ITSN1: variants seen among roughly 807,000 people sequenced by gnomAD.
ITSN1 encodes the protein intersectin 1.
ITSN1 carries 58 observed loss-of-function variants against 239.8 expected under a neutral mutation model. That is an observed-to-expected ratio of 0.24 (90% confidence interval 0.20 to 0.30). The LOEUF is 0.30. Among genes scored for constraint, ITSN1 ranks in the 10% least tolerant of loss-of-function variants. ITSN1 has a pLI of 1.00. For synonymous variants in ITSN1, 780 were observed against 770.8 expected (o/e 1.01, Z -0.20); for missense variants, 1,558 against 2,103.3 (o/e 0.74, Z 5.07).
intron 29 of ITSN1, among the ~76,000 whole-genome samples, chr21:33,846,281 G>A (rs940497712): frequency 4.6e-5 from 7 of 151,984 alleles, no homozygotes; most frequent in African/African-American, 1.2e-4. Flanking sequence ...CACCTCTCCC[G>A]ATTTCGCTGC....
intron 1 of ITSN1, among the ~76,000 whole-genome samples, chr21:33,686,396 G>T (rs1330808653): frequency 6.6e-6 from 1 of 151,990 alleles, no homozygotes; most frequent in African/African-American, 2.4e-5. Context: ...TCTGATAAAT[G>T]TTTTGAAATT....
At chr21:33,759,391 C>T (rs2068136749) in intron 8 of ITSN1, among the ~76,000 whole-genome samples, 1 of 152,142 alleles carries the variant, frequency 6.6e-6, no homozygotes, top group Admixed American at 6.5e-5. Context: ...TCCAAGTCCC[C>T]TGATATCCAG....
At chr21:33,758,021 C>T (rs986345706) in intron 8 of ITSN1, among the ~76,000 whole-genome samples, 4 of 152,034 alleles carry the variant, frequency 2.6e-5, no homozygotes, top group East Asian at 1.9e-4. Context: ...GGACTACAGG[C>T]GTGCATGCAC....
chr21:33,759,040 T>A (rs1242329293), intron 8 of ITSN1, among the ~76,000 whole-genome samples: 4 of 152,216 alleles, frequency 2.6e-5, no homozygotes, highest in African/African-American at 9.6e-5. Context: ...TTACAAGAGA[T>A]AATTGTGATC....
chr21:33,801,654 G>T (rs1457152162), intron 19 of ITSN1, among the ~76,000 whole-genome samples: 1 of 152,032 alleles, frequency 6.6e-6, no homozygotes, highest in Non-Finnish European at 1.5e-5. Flanking sequence ...TGTAGAGACA[G>T]AGTCTCCCTA....
At chr21:33,771,743 A>G (rs1901717424) in intron 11 of ITSN1, among the ~76,000 whole-genome samples, 1 of 152,130 alleles carries the variant, frequency 6.6e-6, no homozygotes, top group African/African-American at 2.4e-5. Flanking sequence ...TCCAGAAGAG[A>G]GGGGGTTAAT....
At chr21:33,830,023 A>T (rs1036527802) in intron 27 of ITSN1, among the ~76,000 whole-genome samples, 2 of 152,180 alleles carry the variant, frequency 1.3e-5, no homozygotes, top group African/African-American at 4.8e-5. Flanking sequence ...ATGACGAGGG[A>T]TGCCTGCATA....
chr21:33,829,865 G>T, intron 27 of ITSN1, 120 bp downstream of exon 27: 2 of 1,217,110 alleles, frequency 1.6e-6, no homozygotes, highest in East Asian at 2.5e-5. Flanking sequence ...TTCTGTATTT[G>T]GATAGTGAGA....
Position 33,802,386 on chromosome 21 carries a change from CAT to C in ITSN1, c.2305-39_2305-38del, listed in dbSNP as rs538064061. 1.0e-3 allele frequency: 1,622 copies of C among 1,595,318 alleles called. 4 individuals are homozygous for C. The highest frequency in any genetic ancestry group is 8.2e-4 in the African/African-American group (61 of 74,668). On this transcript the variant is annotated intron_variant, in intron 19 of 39. Coordinates refer to ENST00000381318, the MANE Select transcript of ITSN1 (RefSeq NM_003024.3). Reference sequence around the variant, plus strand: ...TGTAAGAATAAAGCATGTCATTAAACATATATTTTGCCTTGCTTTCAAACCTT... The same window carrying C: ...TGTAAGAATAAAGCATGTCATTAAACATATTTTGCCTTGCTTTCAAACCTT...
intron 29 of ITSN1, chr21:33,837,974 T>C (rs935258645): frequency 1.0e-6 from 1 of 985,846 alleles, no homozygotes; most frequent in Non-Finnish European, 1.2e-6. Flanking sequence ...TGACCTATTT[T>C]GAACAAGTAA....
intron 4 of ITSN1, among the ~76,000 whole-genome samples, chr21:33,734,690 A>G (rs1482606983): frequency 6.6e-6 from 1 of 152,168 alleles, no homozygotes; most frequent in Non-Finnish European, 1.5e-5. Context: ...TAAAGTATCT[A>G]ATTCATTGGT....
intron 1 of ITSN1, among the ~76,000 whole-genome samples, chr21:33,703,083 CTGTG>C (rs10529613): frequency 0.039 from 5,619 of 145,584 alleles, 346 homozygotes; most frequent in African/African-American, 0.13. Context: ...GAGACTCTGT[CTGTG>C]TGTGTGTGTG....
intron 29 of ITSN1, among the ~76,000 whole-genome samples, chr21:33,851,854 G>A (rs1978377321): frequency 8.2e-6 from 1 of 121,340 alleles, no homozygotes; most frequent in East Asian, 2.9e-4. Context: ...TGCGATCATA[G>A]CTCACTGCAG....
Position 33,775,034 on chromosome 21 carries a change from C to T in ITSN1, c.1522C>T (p.Gln508Ter). 6.2e-7 allele frequency: 1 copy of T among 1,613,954 alleles called. No homozygotes were observed. Among genetic ancestry groups the T allele is most frequent in the Non-Finnish European group, 8.5e-7 (1 of 1,179,878 alleles). ...DIRCRLTTQR[Q>*]EIESTNKSRE... ...CAGATGTCGATTGACCACCCAAAGG[C>T]AAGAAATTGAGAGCACAAACAAATC... is the stretch of plus-strand genomic sequence containing the variant. The change falls in exon 14 of 40, where the codon CAA becomes TAA. Residue 508 changes from glutamine to a stop codon, truncating the protein, a stop_gained. Coordinates refer to ENST00000381318, the MANE Select transcript of ITSN1 (RefSeq NM_003024.3). LOFTEE classifies it high-confidence loss of function.
chr21:33,836,404 G>T, intron 28 of ITSN1, 37 bp from the exon 29 acceptor site: 1 of 1,502,288 alleles, frequency 6.7e-7, no homozygotes, highest in Non-Finnish European at 9.0e-7. Flanking sequence ...ATTCTCCGGC[G>T]GGTGTGCAGC....
chr21:33,682,377 G>A (rs1273670921), intron 1 of ITSN1, among the ~76,000 whole-genome samples: 1 of 151,868 alleles, frequency 6.6e-6, no homozygotes, highest in Non-Finnish European at 1.5e-5. Context: ...CACCACGCCC[G>A]GCTAATTTTG....
rs2067837376 is a variant in ITSN1 at position 33,755,404 on chromosome 21, A to G, written c.724+7A>G. The G allele has an allele frequency of 1.4e-6, 2 of 1,428,352 alleles. No individual in the cohort carries two copies. Among genetic ancestry groups the G allele is most frequent in the Non-Finnish European group, 2.0e-6 (2 of 1,025,068 alleles). The allele number at this position is 1,428,352 out of a possible 1,614,324, so 88.5% of individuals were successfully genotyped here. A position where few individuals can be genotyped will look rare whatever the true frequency, so the allele number is the denominator to read the frequency against. Reference sequence around the variant, plus strand: ...ATGAGTGGACACTTAACAGGTATTTACAAATAAAAATTAGTGAAATATGAT... The same window carrying G: ...ATGAGTGGACACTTAACAGGTATTTGCAAATAAAAATTAGTGAAATATGAT... On this transcript the variant is annotated splice_region_variant and intron_variant, in intron 8 of 39. Transcript: ENST00000381318.
chr21:33,822,813 CCT>C (rs1158421008), intron 24 of ITSN1, among the ~76,000 whole-genome samples: 2 of 152,152 alleles, frequency 1.3e-5, no homozygotes, highest in Non-Finnish European at 2.9e-5. Context: ...TATCATCAGT[CCT>C]CTCTACCTGT....
rs942300006 is a variant in ITSN1, at chr21:33,895,958, G to A, written c.*7658G>A. ...AGCTCAGGTCCCTTCTGAGTGCATAGCCCCTTGTGGCTGCCAGGCAGCACA... is the reference window on the plus strand; with the variant it reads ...AGCTCAGGTCCCTTCTGAGTGCATAACCCCTTGTGGCTGCCAGGCAGCACA... On this transcript the variant is annotated 3_prime_UTR_variant, in exon 40 of 40. Transcript: ENST00000381318. The A allele has an allele frequency of 6.6e-6, 1 of 152,322 alleles. No homozygotes were observed. The highest frequency in any genetic ancestry group is 2.4e-5 in the African/African-American group (1 of 41,430). The allele number at this position is 152,322 out of a possible 1,614,324, so 9.4% of individuals were successfully genotyped here.
Sources: allele counts gnomAD v4.1 joint callset (sites outside exome capture counted in the v4.1 genomes callset), GRCh38; gene constraint gnomAD v4.1.1; transcripts MANE v1.5; gene names NCBI Gene and HGNC (gene_info 2026-07-23, HGNC 2026-07-21).